Variants in ZNF878 observed in about 807,000 individuals in gnomAD.
ZNF878 encodes the protein zinc finger protein 878.
Under a neutral mutation model 11.1 loss-of-function variants are expected in ZNF878, and 10 were observed. That is an observed-to-expected ratio of 0.90 (90% confidence interval 0.56 to 1.53). The LOEUF is 1.53. ZNF878 is among the 40% of genes most tolerant of loss of function. The pLI, the probability that ZNF878 is intolerant of heterozygous loss-of-function variation, is 0.00. For missense variants in ZNF878, 548 were observed against 626.1 expected, an observed-to-expected ratio of 0.88 and a Z score of 1.33; for synonymous variants, 165 against 209.7, an observed-to-expected ratio of 0.79 and a Z score of 1.84.
At position 12,052,902 on chromosome 19, in the gene ZNF878, C is replaced by G. The variant is rs573562451; in HGVS notation, c.-101G>C. On this transcript the variant is annotated 5_prime_UTR_variant, in exon 1 of 4. Transcript: ENST00000547628. Reference sequence around the variant, plus strand: ...GCAACAGCAGCTACGGCGGAAGTAACTGGTCCCTCTCGGAGCAAGAAAGCC... The same window carrying G: ...GCAACAGCAGCTACGGCGGAAGTAAGTGGTCCCTCTCGGAGCAAGAAAGCC... 2.4e-4 allele frequency: 360 copies of G among 1,497,424 alleles called. 2 individuals are homozygous for G. In the African/African-American group the frequency reaches 4.6e-3, roughly 19 times the overall value. The allele number at this position is 1,497,424 out of a possible 1,614,324, so 92.8% of individuals were successfully genotyped here.
chr19:12,051,662 C>T (rs988256644), intron 1 of ZNF878, among the ~76,000 whole-genome samples: 1 of 152,068 alleles, frequency 6.6e-6, no homozygotes, highest in African/African-American at 2.4e-5. Flanking sequence ...ATCCCAGTAC[C>T]TTGGGAGGCC....
chr19:12,051,161 A>G (rs1463769565), intron 1 of ZNF878, among the ~76,000 whole-genome samples: 1 of 146,920 alleles, frequency 6.8e-6, no homozygotes, highest in African/African-American at 2.5e-5. Context: ...AAAATTTTAA[A>G]GTCCTGGGCC....
Position 12,046,416 on chromosome 19 carries a change from T to C in ZNF878, c.143A>G (p.Asn48Ser), listed in dbSNP as rs775741939. The change falls in exon 3 of 4, where the codon AAC becomes AGC. Residue 48 changes from asparagine to serine, a missense_variant. By Grantham distance (46) the Asn-to-Ser change is conservative. This residue lies in a region of ZNF878 where 160 missense variants were observed against 173.3 expected (regional missense o/e 0.92). Coordinates refer to ENST00000547628, the MANE Select transcript of ZNF878 (RefSeq NM_001080404.3). ...RNLTSIGKKW[N>S]NQYIEDEHQN... The stretch of plus-strand genomic sequence containing the variant: ...GTGCTCATCTTCAATGTACTGGTTG[T>C]TCCATTTTTTTCCTAAAATGCGGAC... 8 of 1,575,432 alleles carry C rather than the reference T, an allele frequency of 5.1e-6. No homozygotes were observed. In the South Asian group the frequency reaches 8.2e-5, roughly 16 times the overall value.
rs1322080922 is a variant in ZNF878, at chr19:12,044,971, C to CA, written c.429dup (p.Glu144Ter). The CA allele has an allele frequency of 4.3e-6, 7 of 1,614,046 alleles. No individual in the cohort carries two copies. Among genetic ancestry groups the CA allele is most frequent in the Non-Finnish European group, 5.9e-6 (7 of 1,180,052 alleles). ...AATGCTTTCCCACATTCCTTACATT[C>CA]ATAAGGCTTTTCCCCAGTGTGAGTT... On this transcript the variant is annotated frameshift_variant, in exon 4 of 4. Transcript: ENST00000547628. LOFTEE classifies it low-confidence loss of function (END_TRUNC).
rs1975433910 is a variant in ZNF878, at chr19:12,044,259, G to A, written c.1142C>T (p.Ser381Phe). 1 of 1,613,474 alleles carries A rather than the reference G, an allele frequency of 6.2e-7. No homozygotes were observed. The highest frequency in any genetic ancestry group is 8.5e-7 in the Non-Finnish European group (1 of 1,179,878). Residue 381 changes from serine to phenylalanine, a missense_variant, in exon 4 of 4, where the codon TCC becomes TTC. Transcript: ENST00000547628. ...QCGKTFTSSN[S>F]FHYHERTHTG... Reference sequence around the variant, plus strand: ...GTGAGTCCTTTCATGATAGTGAAAGGAATTGGAAGAAGTGAAGGTTTTCCC... The same window carrying A: ...GTGAGTCCTTTCATGATAGTGAAAGAAATTGGAAGAAGTGAAGGTTTTCCC...
In ZNF878 at chr19:12,048,375, G is replaced by A. The variant is rs746002246; in HGVS notation, c.4-1615C>T. Among the ~76,000 whole-genome samples, 6 of 151,780 alleles carry A rather than the reference G, an allele frequency of 4.0e-5. No individual in the cohort carries two copies. The East Asian group carries it at 7.8e-4, about 20-fold the overall frequency. ...CTACTAAAAATACATAAAACTAGCC[G>A]GTCTTGGTGGCGGGCGCCTATAGTC... On this transcript the variant is annotated intron_variant, in intron 1 of 3. Transcript: ENST00000547628.
At chr19:12,050,989 G>T (rs1286241983) in intron 1 of ZNF878, among the ~76,000 whole-genome samples, 1 of 151,644 alleles carries the variant, frequency 6.6e-6, no homozygotes, top group Non-Finnish European at 1.5e-5. Context: ...CCAGCTACTT[G>T]GGAGGCTGAG....
chr19:12,046,539 A>G, intron 2 of ZNF878, 95 bp downstream of exon 2: 1 of 1,581,868 alleles, frequency 6.3e-7, no homozygotes, highest in Non-Finnish European at 8.6e-7. Flanking sequence ...TATTCAAAGT[A>G]TTCCCTGACC....
chr19:12,052,946 G>T lies in ZNF878; in HGVS notation c.-145C>A. Reference sequence around the variant, plus strand: ...GAAAGCCCCAGACCTTAACTAGCGCGAGCAGCCCTAGGAGTGAAGAGAGCG... The same window carrying T: ...GAAAGCCCCAGACCTTAACTAGCGCTAGCAGCCCTAGGAGTGAAGAGAGCG... On this transcript the variant is annotated 5_prime_UTR_variant, in exon 1 of 4. Transcript: ENST00000547628. 2.9e-6 allele frequency: 4 copies of T among 1,357,240 alleles called. No individual in the cohort carries two copies. Among genetic ancestry groups the T allele is most frequent in the South Asian group, 1.4e-5 (1 of 73,360 alleles). The allele number at this position is 1,357,240 out of a possible 1,614,324, so 84.1% of individuals were successfully genotyped here.
intron 2 of ZNF878, 66 bp downstream of exon 2, chr19:12,046,568 C>A: frequency 6.2e-7 from 1 of 1,607,870 alleles, no homozygotes; most frequent in Non-Finnish European, 8.5e-7. Context: ...AATCACTCAA[C>A]AGCACTGATG....
At chr19:12,050,705 G>C (rs1007942583) in intron 1 of ZNF878, among the ~76,000 whole-genome samples, 3 of 152,158 alleles carry the variant, frequency 2.0e-5, no homozygotes, top group Non-Finnish European at 4.4e-5. Flanking sequence ...TTTCATTATA[G>C]ACTAACTTCC....
chr19:12,052,175 C>T (rs1428346055), intron 1 of ZNF878, among the ~76,000 whole-genome samples: 2 of 152,162 alleles, frequency 1.3e-5, no homozygotes, highest in Admixed American at 6.5e-5. Flanking sequence ...TCCTGTCTCC[C>T]TGAAATGAAT....
At chr19:12,052,542 G>A (rs1265607493) in intron 1 of ZNF878, among the ~76,000 whole-genome samples, 2 of 152,208 alleles carry the variant, frequency 1.3e-5, no homozygotes, top group African/African-American at 4.8e-5. Flanking sequence ...GGGGCTGCGG[G>A]CGCGGAGCTG....
At position 12,044,661 on chromosome 19, in the gene ZNF878, T is replaced by C; in HGVS notation, c.740A>G (p.Lys247Arg). The change falls in exon 4 of 4, where the codon AAA (lysine) becomes AGA (arginine). Residue 247 changes from lysine to arginine, a missense_variant. This residue lies in a region of ZNF878 where 335 missense variants were observed against 358.2 expected (regional missense o/e 0.94). Transcript: ENST00000547628. ...FSPSSLKRHE[K>R]SHTGEKRYKC... is the part of the protein sequence containing the mutation. ...ATAGCGTTTCTCTCCAGTGTGACTT[T>C]TCTCGTGTCTTTTTAACGAACTGGG... The C allele has an allele frequency of 6.2e-7, 1 of 1,614,028 alleles. No individual in the cohort carries two copies. The highest frequency in any genetic ancestry group is 8.5e-7 in the Non-Finnish European group (1 of 1,179,992).
intron 1 of ZNF878, among the ~76,000 whole-genome samples, chr19:12,048,419 G>A (rs901096766): frequency 3.3e-5 from 5 of 151,758 alleles, no homozygotes; most frequent in African/African-American, 1.2e-4. Flanking sequence ...TCGGGAGGCT[G>A]AGGTAGGAGA....
At chr19:12,047,014 G>A (rs140180979) in intron 1 of ZNF878, among the ~76,000 whole-genome samples, 374 of 152,232 alleles carry the variant, frequency 2.5e-3, no homozygotes, top group Non-Finnish European at 4.3e-3. Flanking sequence ...GTGAGTCCAG[G>A]GAGAAAGTCG....
At chr19:12,045,281 ATTTTT>A in intron 3 of ZNF878, 72 bp from the exon 4 acceptor site, 3 of 1,261,286 alleles carry the variant, frequency 2.4e-6, no homozygotes, top group Non-Finnish European at 3.2e-6. Flanking sequence ...TTACACTTGC[ATTTTT>A]AACAGTGCCC....
intron 2 of ZNF878, 56 bp downstream of exon 2, chr19:12,046,578 G>A (rs1975491037): frequency 2.5e-6 from 4 of 1,611,476 alleles, no homozygotes; most frequent in Admixed American, 3.4e-5. Flanking sequence ...CAGCACTGAT[G>A]AGCTAGAAAC....
intron 1 of ZNF878, among the ~76,000 whole-genome samples, chr19:12,051,358 A>G (rs550323343): frequency 6.6e-6 from 1 of 152,108 alleles, no homozygotes; most frequent in African/African-American, 2.4e-5. Context: ...TGTACTAATT[A>G]GTTGTATTAA....
Sources: allele counts gnomAD v4.1 joint callset (sites outside exome capture counted in the v4.1 genomes callset), GRCh38; gene constraint gnomAD v4.1.1; regional missense constraint gnomAD v4.1.1; transcripts MANE v1.5; gene names NCBI Gene and HGNC (gene_info 2026-07-23, HGNC 2026-07-21).